SCRG1: variants seen among roughly 807,000 people sequenced by gnomAD.
The protein encoded by SCRG1 is scrapie-responsive protein 1.
Under a neutral mutation model 7.7 loss-of-function variants are expected in SCRG1, and 3 were observed. That is an observed-to-expected ratio of 0.39 (90% CI 0.18 to 1.01). The LOEUF (loss-of-function observed/expected upper bound fraction) is 1.01. Among genes scored for constraint, SCRG1 ranks in the 50% least tolerant of loss-of-function variants. The pLI is 0.36. For missense variants in SCRG1, 110 were observed against 117.2 expected (o/e 0.94, Z 0.28); for synonymous variants, 46 against 41.2 (o/e 1.12, Z -0.44).
At chr4:173,486,676 T>C in the SCRG1 span, among the ~76,000 whole-genome samples, 86,708 of 151,674 alleles carry the variant, frequency 0.57, 28,041 homozygotes, top group Non-Finnish European at 0.73. Context: ...CTTCCTGCGT[T>C]GGACCATTTA....
At chr4:173,457,705 T>G in the SCRG1 span, among the ~76,000 whole-genome samples, 1 of 152,204 alleles carries the variant, frequency 6.6e-6, no homozygotes, top group Admixed American at 6.5e-5. Context: ...TTTTTAATAC[T>G]TTAGGCATTT....
the SCRG1 span, among the ~76,000 whole-genome samples, chr4:173,431,820 G>T: frequency 6.6e-6 from 1 of 152,172 alleles, no homozygotes; most frequent in South Asian, 2.1e-4. Context: ...ATGAATTAGT[G>T]TCATGCCAGG....
At chr4:173,457,560 G>A in the SCRG1 span, among the ~76,000 whole-genome samples, 3,799 of 152,216 alleles carry the variant, frequency 0.025, 151 homozygotes, top group African/African-American at 0.083. Flanking sequence ...TCTCTTTCCC[G>A]AGAGGTGTCT....
chr4:173,389,257 G>A (rs1472219248), intron 2 of SCRG1, among the ~76,000 whole-genome samples: 1 of 151,800 alleles, frequency 6.6e-6, no homozygotes, highest in African/African-American at 2.4e-5. Flanking sequence ...GGTCCCGGCC[G>A]GGCGCAGTGG....
the SCRG1 span, among the ~76,000 whole-genome samples, chr4:173,514,294 C>A: frequency 6.6e-6 from 1 of 152,096 alleles, no homozygotes; most frequent in Non-Finnish European, 1.5e-5. Flanking sequence ...GCCATCAGTC[C>A]CAAGTGGAAA....
At chr4:173,415,661 G>T in the SCRG1 span, among the ~76,000 whole-genome samples, 34 of 152,318 alleles carry the variant, frequency 2.2e-4, no homozygotes, top group African/African-American at 8.2e-4. Flanking sequence ...TGGTATTACA[G>T]GTATTTCACC....
chr4:173,444,937 T>C, the SCRG1 span, among the ~76,000 whole-genome samples: 2,975 of 152,268 alleles, frequency 0.02, 41 homozygotes, highest in Non-Finnish European at 0.03. Context: ...AGTCTTTTTT[T>C]TCCTTCCAAG....
chr4:173,506,038 A>C, the SCRG1 span, among the ~76,000 whole-genome samples: 7 of 152,072 alleles, frequency 4.6e-5, no homozygotes, highest in Non-Finnish European at 7.4e-5. The surrounding 1 kb of genome is among the most constrained non-coding windows in gnomAD (Gnocchi z 5.3). Context: ...CTGAAGGGGG[A>C]GCTCTGGGCT....
At chr4:173,504,416 A>C in the SCRG1 span, among the ~76,000 whole-genome samples, 4 of 152,100 alleles carry the variant, frequency 2.6e-5, no homozygotes, top group Non-Finnish European at 5.9e-5. This position sits in a 1 kb window ranked among gnomAD's most constrained non-coding sequence, Gnocchi z 4.7. Context: ...AGCTTTCCCT[A>C]TCCCAGCCCC....
chr4:173,512,776 A>C, the SCRG1 span, among the ~76,000 whole-genome samples: 3 of 152,232 alleles, frequency 2.0e-5, no homozygotes, highest in African/African-American at 7.2e-5. Flanking sequence ...AAGGTCACTC[A>C]CAGTCTCTAT....
chr4:173,489,074 C>T, the SCRG1 span, among the ~76,000 whole-genome samples: 1 of 152,090 alleles, frequency 6.6e-6, no homozygotes, highest in African/African-American at 2.4e-5. Context: ...GAAGGACATA[C>T]CTAAATATAC....
At chr4:173,462,056 A>T in the SCRG1 span, among the ~76,000 whole-genome samples, 1 of 152,298 alleles carries the variant, frequency 6.6e-6, no homozygotes, top group Admixed American at 6.5e-5. Flanking sequence ...ATAGCCTCAA[A>T]ATAGCTTTAA....
chr4:173,508,785 T>C, the SCRG1 span, among the ~76,000 whole-genome samples: 1 of 152,136 alleles, frequency 6.6e-6, no homozygotes, highest in Non-Finnish European at 1.5e-5. This position sits in a 1 kb window ranked among gnomAD's most constrained non-coding sequence, Gnocchi z 4.4. Context: ...AAGAGACCAC[T>C]CCGCATCCTA....
At chr4:173,497,397 G>T in the SCRG1 span, among the ~76,000 whole-genome samples, 1 of 152,218 alleles carries the variant, frequency 6.6e-6, no homozygotes, top group African/African-American at 2.4e-5. Flanking sequence ...AGGTCCCCTA[G>T]CCTGAAGATG....
chr4:173,439,363 C>T, the SCRG1 span, among the ~76,000 whole-genome samples: 1 of 152,016 alleles, frequency 6.6e-6, no homozygotes, highest in South Asian at 2.1e-4. Flanking sequence ...TCTGTCTCTA[C>T]AAATTTTAAA....
At chr4:173,407,107 G>A (rs1214015154), upstream of SCRG1, among the ~76,000 whole-genome samples, 2 of 151,866 alleles carry the variant, frequency 1.3e-5, no homozygotes, top group East Asian at 1.9e-4. Flanking sequence ...TGCTCAGGAG[G>A]CTGAGACAGG....
At chr4:173,451,224 G>A in the SCRG1 span, among the ~76,000 whole-genome samples, 4 of 149,778 alleles carry the variant, frequency 2.7e-5, no homozygotes, top group African/African-American at 2.5e-5. Flanking sequence ...AGAGCTAAGA[G>A]GAAAAGGAAT....
the SCRG1 span, among the ~76,000 whole-genome samples, chr4:173,450,610 C>T: frequency 6.6e-6 from 1 of 152,106 alleles, no homozygotes; most frequent in Admixed American, 6.5e-5. Context: ...ATTATGAAGG[C>T]TATTAAAAGG....
the SCRG1 span, among the ~76,000 whole-genome samples, chr4:173,414,641 G>A: frequency 2.6e-5 from 4 of 152,226 alleles, no homozygotes; most frequent in Admixed American, 2.6e-4. Context: ...AAAGGGGTGG[G>A]TGTTCTCATC....
Sources: allele counts gnomAD v4.1 joint callset (sites outside exome capture counted in the v4.1 genomes callset), GRCh38; gene constraint gnomAD v4.1.1; non-coding constraint Gnocchi (gnomAD v3.1); transcripts MANE v1.5; gene names NCBI Gene and HGNC (gene_info 2026-07-23, HGNC 2026-07-21).